Variants in TPM1 observed in about 807,000 individuals in gnomAD.
The protein encoded by TPM1 is tropomyosin alpha-1 chain.
A neutral mutation model predicts 42.9 loss-of-function variants in TPM1; 24 were observed. The ratio of observed to expected loss-of-function variants is 0.56; its 90% CI spans 0.41 to 0.79. The LOEUF (loss-of-function observed/expected upper bound fraction) is 0.79. TPM1 is among the 30% of genes least tolerant of loss of function. TPM1 has a pLI of 0.00. For synonymous variants in TPM1, 136 were observed against 130.1 expected, an observed-to-expected ratio of 1.05 and a Z score of -0.31; for missense variants, 158 against 351.8, an observed-to-expected ratio of 0.45 and a Z score of 4.41.
At chr15:63,055,197 G>C (rs1413995663) in intron 2 of TPM1, among the ~76,000 whole-genome samples, 1 of 152,164 alleles carries the variant, frequency 6.6e-6, no homozygotes, top group African/African-American at 2.4e-5. Context: ...GATTTACTTT[G>C]TAGGCAGTAC....
chr15:63,062,177 C>G, intron 6 of TPM1, 38 bp from the exon 7 acceptor site: 1 of 1,592,092 alleles, frequency 6.3e-7, no homozygotes, highest in Non-Finnish European at 8.6e-7. Flanking sequence ...GTAGATTGAG[C>G]TGCAGCCTGA....
chr15:63,067,212 G>C (rs754725977), downstream of TPM1, among the ~76,000 whole-genome samples: 2 of 152,166 alleles, frequency 1.3e-5, no homozygotes, highest in Non-Finnish European at 2.9e-5. Flanking sequence ...TCAGAAGATA[G>C]TGTCATTCTC....
intron 2 of TPM1, among the ~76,000 whole-genome samples, chr15:63,055,503 GA>G (rs1456106228): frequency 2.7e-4 from 41 of 152,286 alleles, no homozygotes; most frequent in African/African-American, 6.3e-4. Context: ...TCCATAAGCT[GA>G]GAACGTTGCT....
At chr15:63,048,225 G>C (rs748124259) in intron 2 of TPM1, 21 of 472,332 alleles carry the variant, frequency 4.4e-5, no homozygotes, top group Admixed American at 3.3e-4. Flanking sequence ...GGAAGCCAGA[G>C]CCCTAGTGCA....
chr15:63,056,380 AAGTGGG>A (rs2140898928), intron 2 of TPM1: 1 of 158,656 alleles, frequency 6.3e-6, no homozygotes, highest in Admixed American at 6.2e-5. Flanking sequence ...AACTCTACGG[AAGTGGG>A]CCGGGCGCAG....
downstream of TPM1, among the ~76,000 whole-genome samples, chr15:63,069,649 G>C (rs987593517): frequency 6.6e-6 from 1 of 152,146 alleles, no homozygotes; most frequent in African/African-American, 2.4e-5. Flanking sequence ...CTCACCAAGA[G>C]AGAAATTCTG....
intron 2 of TPM1, 37 bp downstream of exon 2, chr15:63,044,189 C>T: frequency 1.2e-6 from 2 of 1,614,050 alleles, no homozygotes; most frequent in Admixed American, 3.3e-5. Context: ...TCACCTCTTG[C>T]CTGCGTGGCC....
rs191839750 is a variant in TPM1 at position 63,064,669 on chromosome 15, A to G, written c.851+527A>G. On this transcript the variant is annotated intron_variant, in intron 9 of 9. Coordinates refer to ENST00000403994, the MANE Select transcript of TPM1 (RefSeq NM_001018005.2). ...ACAAAAGATCATCTCTTTTACTTTTAAGAATTCTAGAGTAGGCCGGGCACA... is the reference window on the plus strand; with the variant it reads ...ACAAAAGATCATCTCTTTTACTTTTGAGAATTCTAGAGTAGGCCGGGCACA... 26 of 997,622 alleles carry G rather than the reference A, an allele frequency of 2.6e-5. No individual in the cohort carries two copies. The African/African-American group carries it at 4.5e-4, about 17-fold the overall frequency. The allele number at this position is 997,622 out of a possible 1,614,324, so 61.8% of individuals were successfully genotyped here. A position where few individuals can be genotyped will look rare whatever the true frequency, so the allele number is the denominator to read the frequency against.
chr15:63,062,746 T>A, intron 8 of TPM1, 101 bp downstream of exon 8: 1 of 1,593,538 alleles, frequency 6.3e-7, no homozygotes, highest in South Asian at 1.1e-5. Flanking sequence ...ATACGCTCCT[T>A]TGCACTTGCA....
chr15:63,048,832 C>G, intron 2 of TPM1: 6 of 1,307,014 alleles, frequency 4.6e-6, no homozygotes, highest in South Asian at 1.3e-5. Context: ...CAGGGCGCAC[C>G]TGGCGCACCT....
chr15:63,050,869 TTA>T (rs1248330372), intron 2 of TPM1, among the ~76,000 whole-genome samples: 1 of 152,250 alleles, frequency 6.6e-6, no homozygotes, highest in Non-Finnish European at 1.5e-5. Context: ...AGATAAAGGT[TTA>T]GTGACAAAAC....
At chr15:63,063,916 T>C (rs1428023775) in intron 8 of TPM1, 148 bp from the exon 9 acceptor site, 1 of 1,146,018 alleles carries the variant, frequency 8.7e-7, no homozygotes, top group Admixed American at 2.7e-5. Flanking sequence ...CCTCCTGCAT[T>C]GGCCACCTGC....
chr15:63,065,058 A>C, intron 9 of TPM1: 1 of 985,370 alleles, frequency 1.0e-6, no homozygotes, highest in Non-Finnish European at 1.2e-6. Flanking sequence ...TAAAATACCC[A>C]CGATAAATAT....
chr15:63,063,499 AC>A, intron 8 of TPM1: 1 of 366,402 alleles, frequency 2.7e-6, no homozygotes. Context: ...GAGTGGGAAG[AC>A]CACAGGAGTA....
Position 63,061,745 on chromosome 15 carries a change from CTG to C in TPM1, c.599_600del (p.Val200AspfsTer12). 1 of 1,614,080 alleles carries C rather than the reference CTG, an allele frequency of 6.2e-7. No individual in the cohort carries two copies. Among genetic ancestry groups the C allele is most frequent in the Non-Finnish European group, 8.5e-7 (1 of 1,180,010 alleles). ...GCCGAGCTTGAAGAAGAATTGAAAA[CTG>C]TGACGAACAACTTGAAGTCACTGGA... On this transcript the variant is annotated frameshift_variant, in exon 6 of 10. Transcript: ENST00000403994. LOFTEE classifies it high-confidence loss of function.
rs1257687404 is a variant in TPM1 at position 63,042,817 on chromosome 15, C to A, written c.-13C>A. ...CTCCTGCTGCAGCCCCAGGGCCCCT[C>A]GCCGCCGCCACCATGGACGCCATCA... On this transcript the variant is annotated 5_prime_UTR_variant, in exon 1 of 10. Coordinates refer to ENST00000403994, the MANE Select transcript of TPM1 (RefSeq NM_001018005.2). 1.9e-5 allele frequency: 31 copies of A among 1,610,210 alleles called. No individual in the cohort carries two copies. The highest frequency in any genetic ancestry group is 2.5e-5 in the Non-Finnish European group (29 of 1,177,304).
chr15:63,048,275 A>G (rs1198854165), intron 2 of TPM1: 2 of 595,308 alleles, frequency 3.4e-6, no homozygotes, highest in East Asian at 1.1e-4. Context: ...GTACCCCCGC[A>G]GCGCGCCGGG....
Position 63,064,095 on chromosome 15 carries a change from A to G in TPM1, c.804A>G (p.Lys268=), listed in dbSNP as rs1279188900. The change falls in exon 9 of 10, where the codon AAA becomes AAG. Residue 268 remains lysine (K), a synonymous_variant. Transcript: ENST00000403994. The part of the protein sequence containing the change: ...DELYAQKLKY[K]AISEELDHAL... ...TGTACGCTCAGAAACTGAAGTACAA[A>G]GCCATCAGCGAGGAGCTGGACCACG... The G allele has an allele frequency of 6.2e-7, 1 of 1,614,152 alleles. No individual in the cohort carries two copies. The highest frequency in any genetic ancestry group is 8.5e-7 in the Non-Finnish European group (1 of 1,180,024).
Position 63,066,029 on chromosome 15 carries a change from C to T in TPM1, c.*130C>T. Reference sequence around the variant, plus strand: ...TAGCATCCTGCCTTAGAGCCAGGCACACACTGTGCTTTCTATTGTACAGAA... The same window carrying T: ...TAGCATCCTGCCTTAGAGCCAGGCATACACTGTGCTTTCTATTGTACAGAA... On this transcript the variant is annotated 3_prime_UTR_variant, in exon 10 of 10. Transcript: ENST00000403994. The T allele has an allele frequency of 6.5e-7, 1 of 1,549,362 alleles. No homozygotes were observed.
Sources: gnomAD v4.1 joint callset for allele counts (sites outside exome capture counted in the v4.1 genomes callset) on GRCh38, gnomAD v4.1.1 for gene constraint, MANE v1.5 for transcripts, NCBI Gene and HGNC (gene_info 2026-07-23, HGNC 2026-07-21) for gene names.